Variants in SLC24A5 observed in about 807,000 individuals in gnomAD.
The protein encoded by SLC24A5 is sodium/potassium/calcium exchanger 5.
SLC24A5 carries 46 observed loss-of-function variants against 51.6 expected under a neutral mutation model. The observed-to-expected ratio is 0.89, with a 90% CI of 0.70 to 1.14. The LOEUF (loss-of-function observed/expected upper bound fraction) is 1.14, where lower values mean the gene tolerates loss of function less well. SLC24A5 is among the 50% of genes most tolerant of loss of function. The pLI, the probability that SLC24A5 is intolerant of heterozygous loss-of-function variation, is 0.00. For missense variants in SLC24A5, 581 were observed against 604.1 expected, an observed-to-expected ratio of 0.96 and a Z score of 0.40; for synonymous variants, 230 against 214.9, an observed-to-expected ratio of 1.07 and a Z score of -0.62.
In SLC24A5 at chr15:48,121,136, C is replaced by T. The variant is rs201294244; in HGVS notation, c.92C>T (p.Ser31Phe). 2.8e-5 allele frequency: 45 copies of T among 1,613,628 alleles called. No individual in the cohort carries two copies. In the African/African-American group the frequency reaches 5.7e-4, roughly 21 times the overall value. ...ATAHLPLSGTSLPQRLPRATG... is the reference protein window; with the variant it reads ...ATAHLPLSGTFLPQRLPRATG... The stretch of plus-strand genomic sequence containing the variant: ...GCACATCTGCCTCTCTCAGGGACCT[C>T]CCTGCCCCAACGTCTCCCAAGGGCC... The change falls in exon 1 of 9, where the codon TCC becomes TTC. Residue 31 changes from serine to phenylalanine, a missense_variant. By Grantham distance (155) the Ser-to-Phe change is radical (BLOSUM62 -2). Transcript: ENST00000341459.
chr15:48,130,771 AT>A (rs566293099), intron 2 of SLC24A5, among the ~76,000 whole-genome samples: 1 of 151,942 alleles, frequency 6.6e-6, no homozygotes, highest in Non-Finnish European at 1.5e-5. Flanking sequence ...CTCGGTAACT[AT>A]TTTTTCCACC....
intron 2 of SLC24A5, among the ~76,000 whole-genome samples, chr15:48,127,621 C>G (rs976714172): frequency 6.6e-6 from 1 of 152,066 alleles, no homozygotes; most frequent in Non-Finnish European, 1.5e-5. Context: ...GAGTTCGAGA[C>G]CAGCCTGGCC....
chr15:48,135,445 T>A (rs1190783813), intron 5 of SLC24A5: 1 of 152,816 alleles, frequency 6.5e-6, no homozygotes, highest in African/African-American at 2.4e-5. Flanking sequence ...GGAGAAACTA[T>A]AGCCTTCCTC....
intron 6 of SLC24A5, chr15:48,137,327 A>T (rs2038926149): frequency 5.5e-6 from 1 of 180,186 alleles, no homozygotes; most frequent in Admixed American, 5.9e-5. Flanking sequence ...ATGACCAATA[A>T]GTAGCAGCTA....
chr15:48,121,969 C>T lies in SLC24A5; in HGVS notation c.234C>T (p.Tyr78=), dbSNP rs1276633820. Residue 78 remains tyrosine (Y), a synonymous_variant, in exon 2 of 9, where the codon TAC becomes TAT. Coordinates refer to ENST00000341459, the MANE Select transcript of SLC24A5 (RefSeq NM_205850.3). Reference sequence around the variant, plus strand: ...TAATCTATTTCCTAATTATCGTTTACATGTTCATGGCCATATCTATTGTCT... The same window carrying T: ...TAATCTATTTCCTAATTATCGTTTATATGTTCATGGCCATATCTATTGTCT... The part of the protein sequence containing the change: ...GIIIYFLIIV[Y]MFMAISIVCD... The T allele has an allele frequency of 6.2e-7, 1 of 1,614,148 alleles. No homozygotes were observed. Among genetic ancestry groups the T allele is most frequent in the East Asian group, 2.2e-5 (1 of 44,880 alleles).
chr15:48,135,404 T>A (rs935929638), intron 5 of SLC24A5: 1 of 153,734 alleles, frequency 6.5e-6, no homozygotes, highest in Non-Finnish European at 1.4e-5. Flanking sequence ...GAAGTCTTTT[T>A]AAATTCCTCC....
At chr15:48,131,039 C>T (rs2038784664) in intron 2 of SLC24A5, among the ~76,000 whole-genome samples, 1 of 152,108 alleles carries the variant, frequency 6.6e-6, no homozygotes, top group Non-Finnish European at 1.5e-5. Context: ...GGAATACCAC[C>T]ACTCATATTT....
intron 2 of SLC24A5, chr15:48,124,110 T>C (rs1196376736): frequency 6.6e-6 from 1 of 152,156 alleles, no homozygotes; most frequent in Non-Finnish European, 1.5e-5. Context: ...TTTATCACAT[T>C]GAAGTTTGAA....
intron 2 of SLC24A5, among the ~76,000 whole-genome samples, chr15:48,130,682 A>G (rs1156674614): frequency 3.9e-5 from 6 of 152,266 alleles, no homozygotes; most frequent in Non-Finnish European, 7.4e-5. Context: ...TTGGGAAGAC[A>G]ATTCATGGTA....
At chr15:48,127,052 G>C (rs531005208) in intron 2 of SLC24A5, among the ~76,000 whole-genome samples, 1 of 152,302 alleles carries the variant, frequency 6.6e-6, no homozygotes, top group South Asian at 2.1e-4. Flanking sequence ...CCTGGAGCCA[G>C]ATAGCCCAGG....
intron 2 of SLC24A5, among the ~76,000 whole-genome samples, chr15:48,130,208 A>T (rs1218846280): frequency 6.6e-6 from 1 of 152,152 alleles, no homozygotes; most frequent in East Asian, 1.9e-4. Context: ...AGAGGAAAAA[A>T]AGAATAATAG....
At position 48,140,933 on chromosome 15, in the gene SLC24A5, G is replaced by A. The variant is rs533615990; in HGVS notation, c.1079-180G>A. The A allele has an allele frequency of 5.8e-5, 29 of 503,518 alleles. No individual in the cohort carries two copies. The East Asian group carries it at 6.9e-4, about 12-fold the overall frequency. The allele number at this position is 503,518 out of a possible 1,614,324, so 31.2% of individuals were successfully genotyped here. ...AAAATCTGTGCTACCTGGGTTACCC[G>A]AATTACCAGCCTGATTCAAATATGT... is the stretch of plus-strand genomic sequence containing the variant. On this transcript the variant is annotated intron_variant, in intron 7 of 8. Transcript: ENST00000341459.
intron 8 of SLC24A5, chr15:48,141,462 A>C: frequency 3.4e-6 from 1 of 291,308 alleles, no homozygotes; most frequent in Non-Finnish European, 6.6e-6. Flanking sequence ...CTGTAATCCC[A>C]GCTACTCAGG....
chr15:48,134,437 G>A lies in SLC24A5; in HGVS notation c.388G>A (p.Val130Ile), dbSNP rs373773165. Residue 130 changes from valine (V) to isoleucine (I), a missense_variant and splice_region_variant, in exon 4 of 9, where the codon GTA (valine) becomes ATA (isoleucine). Transcript: ENST00000341459. The stretch of plus-strand genomic sequence containing the variant: ...AGCTGGTACTATCTTGCACATAGGT[G>A]TATTTATCACAAAGGGAGATATTGG... ...APELVTAFLG[V>I]FITKGDIGIS... The A allele has an allele frequency of 1.6e-5, 25 of 1,612,542 alleles. No individual in the cohort carries two copies. In the Admixed American group the frequency reaches 2.7e-4, roughly 17 times the overall value.
chr15:48,135,297 G>T (rs1023764506), intron 5 of SLC24A5: 1 of 205,948 alleles, frequency 4.9e-6, no homozygotes. Flanking sequence ...AGCCACAACA[G>T]TTGACTTTTT....
chr15:48,123,007 C>G (rs1454321687), intron 2 of SLC24A5: 2 of 152,036 alleles, frequency 1.3e-5, no homozygotes, highest in African/African-American at 4.8e-5. Flanking sequence ...AATGTAAACT[C>G]TCCCTTTTCC....
At position 48,135,044 on chromosome 15, in the gene SLC24A5, A is replaced by C. The variant is rs549567134; in HGVS notation, c.590+60A>C. The C allele has an allele frequency of 1.8e-4, 246 of 1,363,890 alleles. 1 individual carries two copies. In the African/African-American group the frequency reaches 3.3e-3, roughly 18 times the overall value. 84.5% of individuals were successfully genotyped at this position (1,363,890 alleles called of 1,614,324 possible). On this transcript the variant is annotated intron_variant, in intron 5 of 8. Transcript: ENST00000341459. ...AGATTTTATGAATTTCTGATGGTTC[A>C]GTAATTTTTTTTCAGAAATGTTATT...
At chr15:48,135,155 A>G (rs1470265617) in intron 5 of SLC24A5, 171 bp downstream of exon 5, 1 of 512,406 alleles carries the variant, frequency 2.0e-6, no homozygotes, top group Non-Finnish European at 3.5e-6. Flanking sequence ...AGTTCTTCTC[A>G]CTAGTTTGCA....
At chr15:48,137,189 T>C (rs1196075554) in intron 6 of SLC24A5, 1 of 470,704 alleles carries the variant, frequency 2.1e-6, no homozygotes, top group Non-Finnish European at 3.7e-6. Context: ...AAATAAAGTG[T>C]GACTGTGGTT....
Sources: allele counts gnomAD v4.1 joint callset (sites outside exome capture counted in the v4.1 genomes callset), GRCh38; gene constraint gnomAD v4.1.1; transcripts MANE v1.5; gene names NCBI Gene and HGNC (gene_info 2026-07-23, HGNC 2026-07-21).